CAMK1D: variants seen among roughly 807,000 people sequenced by gnomAD.
CAMK1D encodes calcium/calmodulin-dependent protein kinase type 1D.
CAMK1D carries 9 observed loss-of-function variants against 47.7 expected under a neutral mutation model. The observed-to-expected ratio is 0.19, with a 90% CI of 0.11 to 0.33. The LOEUF (loss-of-function observed/expected upper bound fraction) is 0.33, where lower values mean the gene tolerates loss of function less well. CAMK1D is among the 10% of genes least tolerant of loss of function. The probability of loss-of-function intolerance (pLI) is 1.00; values close to 1 mark genes in which losing one functional copy is unlikely to be tolerated. For synonymous variants in CAMK1D, 184 were observed against 184.9 expected (o/e 0.99, Z 0.04); for missense variants, 291 against 488.7 (o/e 0.60, Z 3.81).
chr10:12,408,104 C>T (rs180880352), intron 1 of CAMK1D, among the ~76,000 whole-genome samples: 183 of 152,196 alleles, frequency 1.2e-3, no homozygotes, highest in African/African-American at 4.2e-3. Flanking sequence ...GTGATCCACC[C>T]ACCTTGGCCT....
chr10:12,366,347 A>T (rs1322782321), intron 1 of CAMK1D, among the ~76,000 whole-genome samples: 4 of 152,026 alleles, frequency 2.6e-5, no homozygotes, highest in Admixed American at 2.6e-4. Flanking sequence ...GAAGAATATA[A>T]AGAAGACAGT....
chr10:12,528,736 C>CTTTTTTTTTTTTTTTTT (rs34250007), intron 1 of CAMK1D, among the ~76,000 whole-genome samples: 1 of 137,910 alleles, frequency 7.3e-6, no homozygotes, highest in African/African-American at 2.7e-5. Flanking sequence ...AAATCCTCAT[C>CTTTTTTTTTTTTTTTTT]TTTTTTTTTT....
intron 1 of CAMK1D, among the ~76,000 whole-genome samples, chr10:12,493,714 G>A (rs1834456432): frequency 6.6e-6 from 1 of 152,084 alleles, no homozygotes; most frequent in African/African-American, 2.4e-5. Context: ...GGCTGGTCTC[G>A]AACTCCTGAC....
At chr10:12,448,143 G>A (rs1025703477) in intron 1 of CAMK1D, among the ~76,000 whole-genome samples, 4 of 151,916 alleles carry the variant, frequency 2.6e-5, no homozygotes, top group Non-Finnish European at 5.9e-5. Flanking sequence ...CATGAGCCAC[G>A]ACTCCTGGAC....
chr10:12,624,467 T>G (rs1012922298), intron 2 of CAMK1D, among the ~76,000 whole-genome samples: 1 of 152,182 alleles, frequency 6.6e-6, no homozygotes, highest in Non-Finnish European at 1.5e-5. Flanking sequence ...CTGGATTATC[T>G]TAGATACCCT....
At chr10:12,383,509 T>G (rs1484248336) in intron 1 of CAMK1D, among the ~76,000 whole-genome samples, 2 of 152,212 alleles carry the variant, frequency 1.3e-5, no homozygotes, top group African/African-American at 4.8e-5. Context: ...CCACAGACAT[T>G]GGGTTTTATT....
chr10:12,518,107 G>A (rs368476980), intron 1 of CAMK1D, among the ~76,000 whole-genome samples: 1 of 151,966 alleles, frequency 6.6e-6, no homozygotes, highest in Non-Finnish European at 1.5e-5. Flanking sequence ...TTTTTCTCAA[G>A]TGGTAGTTTT....
At chr10:12,487,633 C>G (rs1834256272) in intron 1 of CAMK1D, among the ~76,000 whole-genome samples, 2 of 152,228 alleles carry the variant, frequency 1.3e-5, no homozygotes, top group Admixed American at 6.5e-5. Flanking sequence ...TGCAATGCCA[C>G]AGATCCCAGA....
intron 4 of CAMK1D, among the ~76,000 whole-genome samples, chr10:12,769,276 T>A (rs182534447): frequency 6.6e-6 from 1 of 152,226 alleles, no homozygotes; most frequent in Non-Finnish European, 1.5e-5. Context: ...GACCCTTGGA[T>A]TCAAGAAAAA....
Position 12,440,502 on chromosome 10 carries a change from G to T in CAMK1D, c.92+90592G>T, listed in dbSNP as rs551621596. 8.5e-5 allele frequency among the ~76,000 whole-genome samples: 13 copies of T among 152,250 alleles called. No individual in the cohort carries two copies. The South Asian group carries it at 2.7e-3, about 32-fold the overall frequency. On this transcript the variant is annotated intron_variant, in intron 1 of 10. Transcript: ENST00000619168. ...GGGGTTTCGCCATGTTGGCCAGGCT[G>T]GTCTTGAACTCCTGACCTCAGGTGA...
chr10:12,351,657 G>T (rs987387175), intron 1 of CAMK1D, among the ~76,000 whole-genome samples: 1 of 152,188 alleles, frequency 6.6e-6, no homozygotes, highest in African/African-American at 2.4e-5. Context: ...TGGCGGGGCT[G>T]CTGAGGCTCC....
chr10:12,458,190 C>G (rs907620315), intron 1 of CAMK1D, among the ~76,000 whole-genome samples: 16 of 152,178 alleles, frequency 1.1e-4, no homozygotes, highest in African/African-American at 2.9e-4. Context: ...TGCTGTTGCA[C>G]ATGCCGAGGA....
chr10:12,770,138 A>T (rs1481035266), intron 5 of CAMK1D, among the ~76,000 whole-genome samples: 1 of 152,224 alleles, frequency 6.6e-6, no homozygotes, highest in African/African-American at 2.4e-5. Flanking sequence ...AGGGATTTAC[A>T]ATGAGACACT....
In CAMK1D at chr10:12,829,014, C is replaced by T. The variant is rs1020255041; in HGVS notation, c.*127C>T. 50 of 644,148 alleles carry T rather than the reference C, an allele frequency of 7.8e-5. No individual in the cohort carries two copies. The highest frequency in any genetic ancestry group is 3.2e-4 in the East Asian group (11 of 34,288). The allele number at this position is 644,148 out of a possible 1,614,324, so 39.9% of individuals were successfully genotyped here. A position where few individuals can be genotyped will look rare whatever the true frequency, so the allele number is the denominator to read the frequency against. On this transcript the variant is annotated 3_prime_UTR_variant, in exon 11 of 11. Transcript: ENST00000619168. ...CCCTTCCTGCATAGGACTGGAAGAC[C>T]GAAGTTTTTTTATGGCCATATTTTC...
chr10:12,769,084 A>G (rs1364854410), intron 4 of CAMK1D, among the ~76,000 whole-genome samples: 2 of 152,184 alleles, frequency 1.3e-5, no homozygotes, highest in African/African-American at 4.8e-5. Flanking sequence ...CGGACCCCTT[A>G]AGGGTACATG....
rs1351774070 is a variant in CAMK1D at position 12,706,762 on chromosome 10, T to C, written c.299+39952T>C. Among the ~76,000 whole-genome samples the C allele has an allele frequency of 2.7e-5, 4 of 150,348 alleles. No homozygotes were observed. The East Asian group carries it at 5.8e-4, about 22-fold the overall frequency. On this transcript the variant is annotated intron_variant, in intron 3 of 10. Coordinates refer to ENST00000619168, the MANE Select transcript of CAMK1D (RefSeq NM_153498.4). ...TCTCCAAAAAAAAAAAAAAAGAATGTAGAAAAGATCTCTGTTTTCCATTCA... is the reference window on the plus strand; with the variant it reads ...TCTCCAAAAAAAAAAAAAAAGAATGCAGAAAAGATCTCTGTTTTCCATTCA...
intron 1 of CAMK1D, among the ~76,000 whole-genome samples, chr10:12,459,212 T>C (rs1051508170): frequency 4.6e-5 from 7 of 152,116 alleles, no homozygotes; most frequent in Non-Finnish European, 1.0e-4. Flanking sequence ...AATTATCACT[T>C]CAGATAAGTT....
At chr10:12,694,175 A>T (rs1588804032) in intron 3 of CAMK1D, among the ~76,000 whole-genome samples, 1 of 50,720 alleles carries the variant, frequency 2.0e-5, no homozygotes, top group Non-Finnish European at 3.3e-5. Context: ...CATAATATAT[A>T]TTATATATAA....
At chr10:12,368,437 A>G (rs765363425) in intron 1 of CAMK1D, among the ~76,000 whole-genome samples, 1 of 152,016 alleles carries the variant, frequency 6.6e-6, no homozygotes, top group African/African-American at 2.4e-5. Flanking sequence ...AAATGAATGG[A>G]TAAGTGGAAG....
Sources: allele counts gnomAD v4.1 joint callset (sites outside exome capture counted in the v4.1 genomes callset), GRCh38; gene constraint gnomAD v4.1.1; transcripts MANE v1.5; gene names NCBI Gene and HGNC (gene_info 2026-07-23, HGNC 2026-07-21).